The following FTO variants were observed in gnomAD, a reference collection of about 807,000 sequenced individuals.
FTO encodes the protein FTO alpha-ketoglutarate dependent dioxygenase, also known as alpha-ketoglutarate-dependent dioxygenase FTO.
FTO carries 47 observed loss-of-function variants against 63.9 expected under a neutral mutation model. The observed-to-expected ratio is 0.74, with a 90% CI of 0.58 to 0.94. The LOEUF (loss-of-function observed/expected upper bound fraction) is 0.94, where lower values mean the gene tolerates loss of function less well. Among genes scored for constraint, FTO ranks in the 40% least tolerant of loss-of-function variants. The pLI is 0.00. For synonymous variants in FTO, 207 were observed against 224.4 expected (o/e 0.92, Z 0.69); for missense variants, 562 against 618.1 (o/e 0.91, Z 0.96).
At chr16:53,706,396 C>T (rs1480955614) in intron 1 of FTO, among the ~76,000 whole-genome samples, 2 of 152,168 alleles carry the variant, frequency 1.3e-5, no homozygotes, top group Non-Finnish European at 2.9e-5. Context: ...GAACATTTCT[C>T]TCCTAAGTTC....
At chr16:53,780,353 T>G (rs1380531359) in intron 1 of FTO, among the ~76,000 whole-genome samples, 1 of 152,166 alleles carries the variant, frequency 6.6e-6, no homozygotes, top group African/African-American at 2.4e-5. Flanking sequence ...GATTTGTGTC[T>G]TGCCTAAAAT....
intron 7 of FTO, among the ~76,000 whole-genome samples, chr16:53,900,116 A>G (rs1211797404): frequency 6.6e-6 from 1 of 152,160 alleles, no homozygotes; most frequent in African/African-American, 2.4e-5. Context: ...TTGTCCTGAG[A>G]CAGAATTCGA....
rs1387648906 is a variant in FTO, at chr16:53,895,101, T to TAATTCCCCACCCACTCC, written c.1239+6161_1239+6177dup. Among the ~76,000 whole-genome samples the TAATTCCCCACCCACTCC allele has an allele frequency of 4.6e-5, 7 of 152,104 alleles. 1 individual carries two copies. Among genetic ancestry groups the TAATTCCCCACCCACTCC allele is most frequent in the Admixed American group, 3.3e-4 (5 of 15,264 alleles). On this transcript the variant is annotated intron_variant, in intron 7 of 8. Coordinates refer to ENST00000471389, the MANE Select transcript of FTO (RefSeq NM_001080432.3). Reference sequence around the variant, plus strand: ...CATTCTCCTTCCTACCCACCCACTCTAATTCCCCACCCACTCCAATTCCCC... The same window carrying TAATTCCCCACCCACTCC: ...CATTCTCCTTCCTACCCACCCACTCTAATTCCCCACCCACTCCAATTCCCCACCCACTCCAATTCCCC...
chr16:53,889,086 G>A, intron 7 of FTO, 135 bp downstream of exon 7: 1 of 1,055,922 alleles, frequency 9.5e-7, no homozygotes, highest in Non-Finnish European at 1.5e-6. Context: ...GTAAGGTGAT[G>A]GGTATAGCCA....
At chr16:53,784,582 T>TG (rs2077683713) in intron 1 of FTO, among the ~76,000 whole-genome samples, 2 of 152,146 alleles carry the variant, frequency 1.3e-5, no homozygotes, top group Admixed American at 1.3e-4. Flanking sequence ...GGGTGGGACT[T>TG]GGGGCATCCT....
At chr16:53,912,780 T>A (rs1267510547) in intron 7 of FTO, among the ~76,000 whole-genome samples, 1 of 152,210 alleles carries the variant, frequency 6.6e-6, no homozygotes, top group Non-Finnish European at 1.5e-5. Flanking sequence ...TCCTGGGTAG[T>A]GCTGGGATTA....
intron 8 of FTO, among the ~76,000 whole-genome samples, chr16:54,024,276 T>G (rs952800399): frequency 6.6e-6 from 1 of 152,170 alleles, no homozygotes; most frequent in Non-Finnish European, 1.5e-5. Context: ...CAGGCTGGAG[T>G]GCAGAGGCAC....
chr16:53,861,635 T>C (rs1305451854), intron 4 of FTO, among the ~76,000 whole-genome samples: 1 of 152,222 alleles, frequency 6.6e-6, no homozygotes, highest in Non-Finnish European at 1.5e-5. Context: ...AGATTTTTAA[T>C]ATTTATTTTA....
chr16:53,835,379 T>A (rs2079260041), intron 3 of FTO, among the ~76,000 whole-genome samples: 1 of 152,230 alleles, frequency 6.6e-6, no homozygotes, highest in South Asian at 2.1e-4. Context: ...CCTACAATGT[T>A]TTCTTCAGAA....
At chr16:54,107,451 C>T (rs1389743554) in intron 8 of FTO, among the ~76,000 whole-genome samples, 1 of 152,130 alleles carries the variant, frequency 6.6e-6, no homozygotes, top group East Asian at 1.9e-4. Flanking sequence ...GTGGATGGAC[C>T]AGCATTCTCT....
At chr16:53,845,321 C>T (rs55634784) in intron 4 of FTO, among the ~76,000 whole-genome samples, 56,281 of 151,898 alleles carry the variant, frequency 0.37, 10,541 homozygotes, top group South Asian at 0.45. Context: ...CAGTTGATTC[C>T]CAGTTAATTG....
intron 7 of FTO, chr16:53,911,462 A>C (rs777553242): frequency 1.4e-6 from 1 of 703,126 alleles, no homozygotes; most frequent in African/African-American, 1.7e-5. Flanking sequence ...TGCATTCATC[A>C]TGGGAAGAAT....
intron 8 of FTO, among the ~76,000 whole-genome samples, chr16:53,967,407 G>T (rs2083219879): frequency 6.6e-6 from 1 of 152,126 alleles, no homozygotes; most frequent in Non-Finnish European, 1.5e-5. Flanking sequence ...GGGCATGTTA[G>T]ATGGTGCTGG....
chr16:54,041,595 G>C (rs2085076463), intron 8 of FTO, among the ~76,000 whole-genome samples: 1 of 152,100 alleles, frequency 6.6e-6, no homozygotes, highest in Non-Finnish European at 1.5e-5. Context: ...TAGACCGGAA[G>C]ACCCTGAGGA....
At chr16:53,848,771 T>C (rs961658173) in intron 4 of FTO, among the ~76,000 whole-genome samples, 10 of 152,182 alleles carry the variant, frequency 6.6e-5, no homozygotes, top group African/African-American at 2.2e-4. Flanking sequence ...AACACAATTA[T>C]GTTTATTAAC....
intron 8 of FTO, among the ~76,000 whole-genome samples, chr16:54,018,468 G>A (rs1040127133): frequency 6.6e-6 from 1 of 152,050 alleles, no homozygotes; most frequent in African/African-American, 2.4e-5. Context: ...ATGTGTTTGT[G>A]TGTGTGTATG....
At chr16:53,867,758 CT>C (rs2080369102) in intron 4 of FTO, among the ~76,000 whole-genome samples, 1 of 152,062 alleles carries the variant, frequency 6.6e-6, no homozygotes, top group Admixed American at 6.6e-5. Flanking sequence ...TAATGATTTT[CT>C]GCCTGCTGTA....
chr16:53,934,658 G>A (rs935916579), intron 8 of FTO, among the ~76,000 whole-genome samples: 12 of 152,150 alleles, frequency 7.9e-5, no homozygotes, highest in African/African-American at 2.9e-4. Context: ...CTCGGGGGCT[G>A]CAAACCTGTA....
At chr16:53,996,942 G>A (rs528678244) in intron 8 of FTO, among the ~76,000 whole-genome samples, 12 of 151,920 alleles carry the variant, frequency 7.9e-5, no homozygotes, top group Admixed American at 7.2e-4. Flanking sequence ...AACCCCGTCT[G>A]TACTAAAAAT....
Sources: gnomAD v4.1 joint callset for allele counts (sites outside exome capture counted in the v4.1 genomes callset) on GRCh38, gnomAD v4.1.1 for gene constraint, MANE v1.5 for transcripts, NCBI Gene and HGNC (gene_info 2026-07-23, HGNC 2026-07-21) for gene names.